CSMD2: variants seen among roughly 807,000 people sequenced by gnomAD.
CSMD2 encodes CUB and sushi domain-containing protein 2.
In CSMD2, 130 loss-of-function variants were observed where a neutral mutation model predicts 398.5. That is an observed-to-expected ratio of 0.33 (90% CI 0.28 to 0.38). CSMD2 has a LOEUF of 0.38. Among genes scored for constraint, CSMD2 ranks in the 10% least tolerant of loss-of-function variants. CSMD2 has a pLI of 1.00. For missense variants in CSMD2, 3,829 were observed against 4,764.9 expected, an observed-to-expected ratio of 0.80 and a Z score of 5.78; for synonymous variants, 1,828 against 1,908.5, an observed-to-expected ratio of 0.96 and a Z score of 1.10.
chr1:33,595,910 G>A (rs964435013), intron 44 of CSMD2, among the ~76,000 whole-genome samples: 3 of 152,212 alleles, frequency 2.0e-5, no homozygotes, highest in African/African-American at 7.2e-5. Context: ...AGTAGAAAGA[G>A]CTAAGAAATG....
chr1:33,691,563 G>C (rs1645241660), intron 25 of CSMD2, among the ~76,000 whole-genome samples: 1 of 152,072 alleles, frequency 6.6e-6, no homozygotes, highest in African/African-American at 2.4e-5. Context: ...TTCTTAATTG[G>C]AAACTCTTAC....
intron 24 of CSMD2, among the ~76,000 whole-genome samples, chr1:33,696,383 G>T (rs1645419155): frequency 6.6e-6 from 1 of 152,206 alleles, no homozygotes; most frequent in East Asian, 1.9e-4. Flanking sequence ...AGGAAGGGTT[G>T]CAGGAGAGGC....
At chr1:33,562,535 G>T (rs898940492) in intron 53 of CSMD2, among the ~76,000 whole-genome samples, 1 of 152,208 alleles carries the variant, frequency 6.6e-6, no homozygotes, top group African/African-American at 2.4e-5. Context: ...AATGAGAGGG[G>T]AGAGGTGGAG....
intron 6 of CSMD2, among the ~76,000 whole-genome samples, chr1:33,837,468 T>TGC (rs1557981005): frequency 2.6e-5 from 4 of 151,566 alleles, no homozygotes; most frequent in African/African-American, 9.7e-5. Flanking sequence ...AAGAAGTTTT[T>TGC]TACTATCAAT....
At position 34,121,386 on chromosome 1, in the gene CSMD2, G is replaced by T. The variant is rs79153107; in HGVS notation, c.188-32193C>A. Among the ~76,000 whole-genome samples the T allele has an allele frequency of 9.8e-3, 1,499 of 152,298 alleles. 24 individuals carry two copies. The highest frequency in any genetic ancestry group is 0.034 in the African/African-American group (1,408 of 41,576). ...CCGGGTCTCTTCTGCTTAAGCAAAA[G>T]ATGGAGGCTATGACCACTAGGTCTT... On this transcript the variant is annotated intron_variant, in intron 1 of 70. Coordinates refer to ENST00000373381, the MANE Select transcript of CSMD2 (RefSeq NM_001281956.2).
intron 3 of CSMD2, among the ~76,000 whole-genome samples, chr1:34,022,976 T>G (rs1285919278): frequency 6.6e-6 from 1 of 152,092 alleles, no homozygotes; most frequent in Non-Finnish European, 1.5e-5. Flanking sequence ...GGGCTACGGG[T>G]ACATACCACC....
chr1:33,803,905 C>T, intron 10 of CSMD2, among the ~76,000 whole-genome samples: 1 of 152,196 alleles, frequency 6.6e-6, no homozygotes, highest in South Asian at 2.1e-4. Context: ...GAAGCCCAGC[C>T]CCTTTCATCT....
intron 24 of CSMD2, among the ~76,000 whole-genome samples, chr1:33,695,587 C>T (rs1645395935): frequency 1.3e-5 from 2 of 152,216 alleles, no homozygotes; most frequent in African/African-American, 4.8e-5. Flanking sequence ...TCATGTTTGA[C>T]TCTACTTTGC....
intron 3 of CSMD2, among the ~76,000 whole-genome samples, chr1:33,970,194 T>C (rs1407913715): frequency 6.6e-6 from 1 of 151,262 alleles, no homozygotes; most frequent in African/African-American, 2.4e-5. Context: ...GCTCCTTAGA[T>C]GAATGAATGA....
chr1:33,514,263 GAA>G lies in CSMD2; in HGVS notation c.*2359_*2360del, dbSNP rs1164658776. 2 of 135,018 alleles carry G rather than the reference GAA, an allele frequency of 1.5e-5. No individual in the cohort carries two copies. The highest frequency in any genetic ancestry group is 3.2e-5 in the Non-Finnish European group (2 of 63,434). 8.4% of individuals were successfully genotyped at this position (135,018 alleles called of 1,614,324 possible). Reference sequence around the variant, plus strand: ...TCCACTACCGTTTACCTACAATAATGAAAAAAAAATTTACACCTTTTTTTTTT... The same window carrying G: ...TCCACTACCGTTTACCTACAATAATGAAAAAAATTTACACCTTTTTTTTTT... On this transcript the variant is annotated 3_prime_UTR_variant, in exon 71 of 71. Transcript: ENST00000373381.
chr1:33,764,195 G>C (rs1467241720), intron 13 of CSMD2, among the ~76,000 whole-genome samples: 1 of 152,102 alleles, frequency 6.6e-6, no homozygotes. Flanking sequence ...TACATTCTGA[G>C]AGGCAACACC....
At chr1:33,934,871 GC>G (rs1644423555) in intron 4 of CSMD2, among the ~76,000 whole-genome samples, 1 of 150,748 alleles carries the variant, frequency 6.6e-6, no homozygotes, top group Non-Finnish European at 1.5e-5. Context: ...GGGCATGGTG[GC>G]ACATGCCTGC....
At chr1:33,861,537 G>T (rs779647093) in intron 5 of CSMD2, among the ~76,000 whole-genome samples, 22 of 152,162 alleles carry the variant, frequency 1.4e-4, no homozygotes, top group Admixed American at 9.2e-4. Context: ...GTCCTTGCAG[G>T]CATGCTTGCT....
At chr1:33,766,383 G>T (rs986013484) in intron 13 of CSMD2, among the ~76,000 whole-genome samples, 10 of 152,152 alleles carry the variant, frequency 6.6e-5, no homozygotes, top group Non-Finnish European at 1.2e-4. Flanking sequence ...GAGAAGAGGG[G>T]CTGTTGCTCT....
intron 53 of CSMD2, among the ~76,000 whole-genome samples, chr1:33,564,549 G>T (rs1377650315): frequency 6.6e-6 from 1 of 152,210 alleles, no homozygotes. Context: ...CTGAAAGAGT[G>T]ACTGAATACA....
chr1:33,891,990 G>A (rs1054862859), intron 5 of CSMD2, among the ~76,000 whole-genome samples: 1 of 150,366 alleles, frequency 6.7e-6, no homozygotes, highest in African/African-American at 2.4e-5. Context: ...CATGGCGCAT[G>A]TATACATATG....
At chr1:33,841,174 G>T (rs1246835860) in intron 6 of CSMD2, among the ~76,000 whole-genome samples, 1 of 152,166 alleles carries the variant, frequency 6.6e-6, no homozygotes, top group Admixed American at 6.5e-5. Context: ...GGCAGTGACA[G>T]GTATAGGAAA....
intron 55 of CSMD2, among the ~76,000 whole-genome samples, chr1:33,557,431 T>G (rs1206104327): frequency 6.6e-6 from 1 of 151,908 alleles, no homozygotes; most frequent in Non-Finnish European, 1.5e-5. Context: ...CAGCCAGTTC[T>G]GAAAAAAGGG....
intron 2 of CSMD2, among the ~76,000 whole-genome samples, chr1:34,042,258 G>A (rs1404635458): frequency 2.0e-5 from 3 of 152,206 alleles, no homozygotes; most frequent in Non-Finnish European, 2.9e-5. Context: ...TTCTGAAACT[G>A]TCTGGAGTAG....
Sources: allele counts gnomAD v4.1 joint callset (sites outside exome capture counted in the v4.1 genomes callset), GRCh38; gene constraint gnomAD v4.1.1; transcripts MANE v1.5; gene names NCBI Gene and HGNC (gene_info 2026-07-23, HGNC 2026-07-21).